OR2AG2: variants seen among roughly 807,000 people sequenced by gnomAD.
The protein encoded by OR2AG2 is olfactory receptor 2AG2.
For synonymous variants in OR2AG2, 167 were observed against 157.1 expected (o/e 1.06, Z -0.47); for missense variants, 390 against 391.9 (o/e 1.00, Z 0.04).
At position 6,768,237 on chromosome 11, in the gene OR2AG2, A is replaced by C; in HGVS notation, c.721T>G (p.Cys241Gly). The C allele has an allele frequency of 6.2e-7, 1 of 1,614,226 alleles. No individual in the cohort carries two copies. The highest frequency in any genetic ancestry group is 8.5e-7 in the Non-Finnish European group (1 of 1,180,024). Residue 241 changes from cysteine (C) to glycine (G), a missense_variant, in exon 2 of 2, where the codon TGC becomes GGC. Physicochemically the swap from Cys to Gly is radical, Grantham distance 159. Coordinates refer to ENST00000641124, the MANE Select transcript of OR2AG2 (RefSeq NM_001004490.2). ...CCGACCACAATCAGGTGGGAAGAGC[A>C]GGTGACAAGGGCTTTCTTCCTCCCC... ...NEGRKKALVT[C>G]SSHLIVVGMF...
Sources: allele counts gnomAD v4.1 joint callset, GRCh38; gene constraint gnomAD v4.1.1; transcripts MANE v1.5; gene names NCBI Gene and HGNC (gene_info 2026-07-23, HGNC 2026-07-21).